Variants in C12orf42 observed in about 807,000 individuals in gnomAD.
C12orf42 encodes the protein chromosome 12 open reading frame 42.
C12orf42 carries 25 observed loss-of-function variants against 21.6 expected under a neutral mutation model. That is an observed-to-expected ratio of 1.16 (90% CI 0.84 to 1.62). The LOEUF (loss-of-function observed/expected upper bound fraction) is 1.62. C12orf42 is among the 40% of genes most tolerant of loss of function. The pLI is 0.00. For synonymous variants in C12orf42, 174 were observed against 175.0 expected, an observed-to-expected ratio of 0.99 and a Z score of 0.05; for missense variants, 483 against 459.3, an observed-to-expected ratio of 1.05 and a Z score of -0.47.
chr12:103,523,168 C>G, the C12orf42 span, among the ~76,000 whole-genome samples: 1 of 152,158 alleles, frequency 6.6e-6, no homozygotes, highest in East Asian at 1.9e-4. Flanking sequence ...AGAATTTAAT[C>G]CTTTTGGACC....
At chr12:103,123,609 C>T in the C12orf42 span, among the ~76,000 whole-genome samples, 1 of 152,192 alleles carries the variant, frequency 6.6e-6, no homozygotes, top group African/African-American at 2.4e-5. Flanking sequence ...ATATGGTAGC[C>T]ATTAGCCACC....
At chr12:103,097,910 T>C in the C12orf42 span, among the ~76,000 whole-genome samples, 1 of 152,178 alleles carries the variant, frequency 6.6e-6, no homozygotes, top group Non-Finnish European at 1.5e-5. Context: ...CTGTGGGGAC[T>C]GCAAGCCACA....
chr12:103,263,451 T>C (rs925767572), intron 9 of C12orf42: 1 of 152,162 alleles, frequency 6.6e-6, no homozygotes, highest in African/African-American at 2.4e-5. Context: ...TTAGTGATCA[T>C]TTCACTACTG....
intron 3 of C12orf42, chr12:103,396,702 T>A (rs1157772692): frequency 6.6e-6 from 1 of 152,176 alleles, no homozygotes; most frequent in East Asian, 1.9e-4. Context: ...GCTCAGGACC[T>A]GAAAGAAGGT....
the C12orf42 span, among the ~76,000 whole-genome samples, chr12:103,156,722 G>T: frequency 4.6e-5 from 7 of 152,072 alleles, no homozygotes; most frequent in Non-Finnish European, 7.4e-5. Flanking sequence ...GAGAATATGC[G>T]GTATTTGGTT....
rs776460998 is a variant in C12orf42 at position 103,466,228 on chromosome 12, G to A, written c.78+12121C>T. Among the ~76,000 whole-genome samples the A allele has an allele frequency of 2.6e-5, 4 of 152,234 alleles. No homozygotes were observed. The East Asian group carries it at 7.7e-4, about 29-fold the overall frequency. On this transcript the variant is annotated intron_variant, in intron 2 of 5. Coordinates refer to ENST00000548883, the MANE Select transcript of C12orf42 (RefSeq NM_198521.5). ...TTCAGCTTTAACTCCATCTGGTCCT[G>A]GGCTTTTTTTGTTTGGTAAGCTATT...
chr12:103,409,220 A>C (rs2048644307), intron 2 of C12orf42, among the ~76,000 whole-genome samples: 1 of 152,200 alleles, frequency 6.6e-6, no homozygotes, highest in Admixed American at 6.5e-5. Flanking sequence ...GAGTCCTTTC[A>C]GTGGTAATGT....
intron 4 of C12orf42, among the ~76,000 whole-genome samples, chr12:103,366,238 T>C (rs1253144469): frequency 6.6e-6 from 1 of 152,022 alleles, no homozygotes; most frequent in Non-Finnish European, 1.5e-5. Flanking sequence ...CAACAAATGG[T>C]GCTGGGATAA....
At chr12:103,439,952 T>C (rs1272411612) in intron 2 of C12orf42, among the ~76,000 whole-genome samples, 1 of 149,972 alleles carries the variant, frequency 6.7e-6, no homozygotes, top group African/African-American at 2.5e-5. Flanking sequence ...TAAAGACACA[T>C]GCACACGTAT....
In C12orf42 at chr12:103,427,296, A is replaced by G. The variant is rs1337505001; in HGVS notation, c.79-25621T>C. 6.3e-3 allele frequency among the ~76,000 whole-genome samples: 124 copies of G among 19,778 alleles called. 1 individual carries two copies. Among genetic ancestry groups the G allele is most frequent in the East Asian group, 0.03 (10 of 334 alleles). 13.0% of individuals were successfully genotyped at this position (19,778 alleles called of 152,430 possible). A position where few individuals can be genotyped will look rare whatever the true frequency, so the allele number is the denominator to read the frequency against. On this transcript the variant is annotated intron_variant, in intron 2 of 5. Coordinates refer to ENST00000548883, the MANE Select transcript of C12orf42 (RefSeq NM_198521.5). ...AGCAAATGGAAAGCAAAAAAAAAAG[A>G]AAAAAAAAAAAAGCAGCGGTTGCAA...
intron 4 of C12orf42, among the ~76,000 whole-genome samples, chr12:103,319,467 C>A (rs2039868902): frequency 6.6e-6 from 1 of 152,190 alleles, no homozygotes. Context: ...AAATTTAGAG[C>A]TTCAACTTGT....
chr12:103,378,896 G>C (rs987380040), intron 3 of C12orf42: 2 of 152,040 alleles, frequency 1.3e-5, no homozygotes, highest in African/African-American at 4.8e-5. Context: ...TGAATGGAAA[G>C]AAAATATCAA....
chr12:103,327,816 A>G (rs534561549), intron 4 of C12orf42, among the ~76,000 whole-genome samples: 2 of 152,350 alleles, frequency 1.3e-5, no homozygotes, highest in East Asian at 3.9e-4. Context: ...GTCAATTCCA[A>G]AGACATTTTC....
intron 3 of C12orf42, among the ~76,000 whole-genome samples, chr12:103,377,682 T>C (rs997520335): frequency 1.3e-5 from 2 of 152,048 alleles, no homozygotes; most frequent in African/African-American, 4.8e-5. Flanking sequence ...CAAGAGGAAA[T>C]AGAACTCTGC....
intron 4 of C12orf42, among the ~76,000 whole-genome samples, chr12:103,293,170 C>T (rs2036932453): frequency 6.6e-6 from 1 of 152,210 alleles, no homozygotes; most frequent in South Asian, 2.1e-4. Context: ...TAATTCCCTT[C>T]CCTTTCAGGA....
At chr12:103,356,838 T>C (rs1260730692) in intron 4 of C12orf42, among the ~76,000 whole-genome samples, 1 of 152,074 alleles carries the variant, frequency 6.6e-6, no homozygotes, top group African/African-American at 2.4e-5. Context: ...GAGAAGTGTC[T>C]GTTCATGTCC....
the C12orf42 span, among the ~76,000 whole-genome samples, chr12:103,536,592 C>T: frequency 1.3e-5 from 2 of 152,144 alleles, no homozygotes; most frequent in Admixed American, 1.3e-4. Flanking sequence ...CTCCCCCAGC[C>T]ATCACATGTC....
intron 5 of C12orf42, among the ~76,000 whole-genome samples, chr12:103,273,228 C>G (rs1441420614): frequency 6.6e-6 from 1 of 152,104 alleles, no homozygotes; most frequent in Non-Finnish European, 1.5e-5. Context: ...CACTGGGAGG[C>G]CTTTGCCCAG....
At chr12:103,372,275 G>A (rs1294457527) in intron 3 of C12orf42, among the ~76,000 whole-genome samples, 1 of 152,006 alleles carries the variant, frequency 6.6e-6, no homozygotes, top group East Asian at 1.9e-4. Flanking sequence ...TTTAAATATG[G>A]CACTGGCCTT....
Sources: allele counts gnomAD v4.1 joint callset (sites outside exome capture counted in the v4.1 genomes callset), GRCh38; gene constraint gnomAD v4.1.1; transcripts MANE v1.5; gene names NCBI Gene and HGNC (gene_info 2026-07-23, HGNC 2026-07-21).